Variants in COPS9 observed in about 807,000 individuals in gnomAD.
The protein encoded by COPS9 is COP9 signalosome subunit 9.
COPS9 carries 8 observed loss-of-function variants against 7.2 expected under a neutral mutation model. The ratio of observed to expected loss-of-function variants is 1.11; its 90% CI spans 0.65 to 2.00. The LOEUF is 2.00. Among genes scored for constraint, COPS9 ranks in the 30% most tolerant of loss-of-function variants. The pLI, the probability that COPS9 is intolerant of heterozygous loss-of-function variation, is 0.00. For synonymous variants in COPS9, 39 were observed against 28.7 expected (o/e 1.36, Z -1.14); for missense variants, 74 against 77.7 (o/e 0.95, Z 0.18).
Position 240,132,580 on chromosome 2 carries a change from T to C in COPS9, c.136+1353A>G, listed in dbSNP as rs1317533261. ...GGACCTGGGTCCCTCTCAGAGATGC[T>C]TTCCCGTCAGGATTCAAGGGCTGAC... On this transcript the variant is annotated intron_variant, in intron 2 of 2. Coordinates refer to ENST00000607357, the MANE Select transcript of COPS9 (RefSeq NM_001163424.2). This position sits in a 1 kb window ranked among gnomAD's most constrained non-coding sequence, Gnocchi z 4.1. 6.6e-6 allele frequency among the ~76,000 whole-genome samples: 1 copy of C among 152,204 alleles called. No individual in the cohort carries two copies. Among genetic ancestry groups the C allele is most frequent in the Non-Finnish European group, 1.5e-5 (1 of 68,032 alleles).
intron 1 of COPS9, 92 bp downstream of exon 1, chr2:240,136,130 C>T: frequency 7.7e-7 from 1 of 1,306,480 alleles, no homozygotes; most frequent in Non-Finnish European, 9.9e-7. Context: ...CGCCCGGCCT[C>T]CCCTCCCCGG....
downstream of COPS9, among the ~76,000 whole-genome samples, chr2:240,129,042 C>T (rs758711990): frequency 9.9e-5 from 15 of 152,200 alleles, no homozygotes; most frequent in African/African-American, 2.2e-4. Context: ...AAGGGGTGTG[C>T]CCATCTGCAC....
chr2:240,127,662 C>T (rs2071880205), downstream of COPS9, among the ~76,000 whole-genome samples: 2 of 152,118 alleles, frequency 1.3e-5, no homozygotes, highest in African/African-American at 2.4e-5. Context: ...GAGAGAGACC[C>T]CATGCCTCTT....
downstream of COPS9, chr2:240,126,553 T>C: frequency 6.2e-7 from 1 of 1,608,650 alleles, no homozygotes; most frequent in Non-Finnish European, 8.5e-7. Context: ...AACACACACC[T>C]CTCTGCATCC....
At chr2:240,133,108 A>G (rs1866647) in intron 2 of COPS9, among the ~76,000 whole-genome samples, 46,226 of 152,120 alleles carry the variant, frequency 0.3, 7,780 homozygotes, top group East Asian at 0.54. Flanking sequence ...TCTCTGGTAA[A>G]TTAGAAACCG....
At chr2:240,126,790 C>T, downstream of COPS9, 2 of 1,614,198 alleles carry the variant, frequency 1.2e-6, no homozygotes, top group South Asian at 2.2e-5. Context: ...CGTCCTGTGC[C>T]CATTTTCCCC....
At chr2:240,135,548 T>A (rs556307113) in intron 1 of COPS9, among the ~76,000 whole-genome samples, 61 of 152,278 alleles carry the variant, frequency 4.0e-4, no homozygotes, top group Non-Finnish European at 7.8e-4. Flanking sequence ...GCTCTCCTGC[T>A]GACCATAAAC....
rs753018262 is a variant in COPS9, at chr2:240,133,988, C to G, written c.81G>C (p.Gly27=). 2 of 1,614,146 alleles carry G rather than the reference C, an allele frequency of 1.2e-6. No homozygotes were observed. Among genetic ancestry groups the G allele is most frequent in the Non-Finnish European group, 1.7e-6 (2 of 1,180,024 alleles). ...CATTGGCTGCCAAGTCCATCAAGAG[C>G]CCGGTGCTGCCTCCCGCCTGGGGAA... The part of the protein sequence containing the change: ...VDLDEAGGST[G]LLMDLAANEK... Residue 27 remains glycine, a synonymous_variant, in exon 2 of 3, where the codon GGG becomes GGC. Coordinates refer to ENST00000607357, the MANE Select transcript of COPS9 (RefSeq NM_001163424.2).
chr2:240,133,885 G>A (rs751685885), intron 2 of COPS9, 48 bp downstream of exon 2: 5 of 1,588,466 alleles, frequency 3.1e-6, no homozygotes, highest in Non-Finnish European at 4.3e-6. Context: ...TTCACCTAGA[G>A]AAGAAATATT....
chr2:240,134,072 C>T, intron 1 of COPS9, 67 bp from the exon 2 acceptor site: 1 of 1,430,104 alleles, frequency 7.0e-7, no homozygotes, highest in Non-Finnish European at 9.8e-7. Context: ...AAGTGCATTG[C>T]AGGGCCACTA....
intron 1 of COPS9, chr2:240,134,372 T>C (rs546078850): frequency 2.8e-4 from 56 of 200,264 alleles, no homozygotes; most frequent in African/African-American, 1.2e-3. Flanking sequence ...TCGCCTCCAC[T>C]CAGGATCCCT....
downstream of COPS9, among the ~76,000 whole-genome samples, chr2:240,128,625 C>T (rs1314081182): frequency 6.6e-6 from 1 of 151,204 alleles, no homozygotes; most frequent in Non-Finnish European, 1.5e-5. Context: ...TGAAGGCGAT[C>T]AGGTATAAAA....
intron 1 of COPS9, chr2:240,135,833 C>T (rs2071971700): frequency 4.2e-6 from 1 of 238,424 alleles, no homozygotes; most frequent in Non-Finnish European, 8.1e-6. Flanking sequence ...AATCCCCTAA[C>T]ACGAGCTCAA....
chr2:240,128,081 A>G (rs959279850), downstream of COPS9, among the ~76,000 whole-genome samples: 1 of 152,226 alleles, frequency 6.6e-6, no homozygotes, highest in African/African-American at 2.4e-5. Flanking sequence ...GTGTGCTGAG[A>G]GTCCGGGTGC....
intron 1 of COPS9, 103 bp downstream of exon 1, chr2:240,136,119 C>T: frequency 1.5e-6 from 2 of 1,331,222 alleles, no homozygotes; most frequent in Non-Finnish European, 1.9e-6. Context: ...CATCGCCCAC[C>T]CGCCCGGCCT....
chr2:240,129,303 T>C (rs188168924), downstream of COPS9, among the ~76,000 whole-genome samples: 2 of 152,314 alleles, frequency 1.3e-5, no homozygotes, highest in East Asian at 1.9e-4. Flanking sequence ...GCTAGGACTA[T>C]AGGCACGTGC....
At chr2:240,128,690 T>C (rs964880096), downstream of COPS9, among the ~76,000 whole-genome samples, 1 of 152,138 alleles carries the variant, frequency 6.6e-6, no homozygotes, top group African/African-American at 2.4e-5. Context: ...TGACAATGGC[T>C]GGAGTTTTGC....
intron 1 of COPS9, 113 bp downstream of exon 1, chr2:240,136,109 C>A: frequency 7.6e-7 from 1 of 1,320,224 alleles, no homozygotes; most frequent in African/African-American, 1.6e-5. Flanking sequence ...GAGCCGCGCC[C>A]ATCGCCCACC....
chr2:240,134,797 T>C (rs954993747), intron 1 of COPS9, among the ~76,000 whole-genome samples: 4 of 152,150 alleles, frequency 2.6e-5, no homozygotes, highest in Admixed American at 2.6e-4. Context: ...ATCAGCACAG[T>C]AAGCCACGCG....
Sources: gnomAD v4.1 joint callset for allele counts (sites outside exome capture counted in the v4.1 genomes callset) on GRCh38, gnomAD v4.1.1 for gene constraint, Gnocchi (gnomAD v3.1) non-coding constraint, MANE v1.5 for transcripts, NCBI Gene and HGNC (gene_info 2026-07-23, HGNC 2026-07-21) for gene names.